The following RNF135 variants were observed in gnomAD, a reference collection of about 807,000 sequenced individuals.
RNF135 encodes ring finger protein 135.
In RNF135, 46 loss-of-function variants were observed where a neutral mutation model predicts 41.9. The ratio of observed to expected loss-of-function variants is 1.10; its 90% CI spans 0.87 to 1.40. RNF135 has a LOEUF of 1.40. Ranked by LOEUF, RNF135 falls within the 40% of genes most tolerant of loss-of-function variation. The probability of loss-of-function intolerance (pLI) is 0.00; values close to 1 mark genes in which losing one functional copy is unlikely to be tolerated. For synonymous variants in RNF135, 238 were observed against 223.8 expected (o/e 1.06, Z -0.57); for missense variants, 539 against 549.8 (o/e 0.98, Z 0.20).
chr17:30,964,337 C>G, the RNF135 span, among the ~76,000 whole-genome samples: 1 of 134,936 alleles, frequency 7.4e-6, no homozygotes, highest in Admixed American at 8.2e-5. Flanking sequence ...TGCAGTGAGC[C>G]GAGATCGTGC....
At chr17:30,983,320 CATATATATATATAT>C (rs1189144519) in intron 1 of RNF135, among the ~76,000 whole-genome samples, 478 of 37,038 alleles carry the variant, frequency 0.013, 24 homozygotes, top group African/African-American at 0.026. Context: ...CATATATGTA[CATATATATATATAT>C]ATATATATAT....
chr17:30,996,761 A>T (rs999580008), intron 3 of RNF135, among the ~76,000 whole-genome samples: 8 of 152,210 alleles, frequency 5.3e-5, no homozygotes, highest in Non-Finnish European at 8.8e-5. Flanking sequence ...ACTTTAGCAC[A>T]TCGAGAGGGA....
intron 1 of RNF135, among the ~76,000 whole-genome samples, chr17:30,981,848 T>C (rs1907173832): frequency 6.6e-6 from 1 of 152,258 alleles, no homozygotes; most frequent in South Asian, 2.1e-4. Flanking sequence ...AGAAGAATTA[T>C]CTGGATTACC....
the RNF135 span, among the ~76,000 whole-genome samples, chr17:30,961,272 T>TAGTC: frequency 7.2e-5 from 11 of 152,234 alleles, no homozygotes; most frequent in East Asian, 1.7e-3. Context: ...GCAGGGTAGG[T>TAGTC]AGTCAAGGAA....
At chr17:30,983,353 A>ATTTTTTT (rs1192298651) in intron 1 of RNF135, among the ~76,000 whole-genome samples, 15 of 35,718 alleles carry the variant, frequency 4.2e-4, no homozygotes, top group South Asian at 1.3e-3. Flanking sequence ...ATATATATAT[A>ATTTTTTT]TTTTTTTTTT....
chr17:30,972,531 T>C (rs566898084), intron 1 of RNF135: 7 of 152,262 alleles, frequency 4.6e-5, no homozygotes, highest in Non-Finnish European at 1.0e-4. Context: ...TTTGTACTCA[T>C]TAAGCAGTAA....
At chr17:30,979,136 C>A (rs1274955506) in intron 1 of RNF135, 2 of 167,764 alleles carry the variant, frequency 1.2e-5, no homozygotes, top group South Asian at 9.7e-5. Context: ...ACCTCCCAGA[C>A]GGGGTCGTGG....
At chr17:30,987,267 C>T (rs1014172557) in intron 2 of RNF135, among the ~76,000 whole-genome samples, 4 of 150,964 alleles carry the variant, frequency 2.6e-5, no homozygotes, top group Middle Eastern at 3.4e-3. Flanking sequence ...CTTGCTCTGT[C>T]GCCCAGGTTG....
At chr17:30,997,585 C>A in intron 4 of RNF135, 1 of 564,940 alleles carries the variant, frequency 1.8e-6, no homozygotes, top group Non-Finnish European at 3.5e-6. Context: ...CTGCCTGTTC[C>A]CAAACCTGCT....
At chr17:30,971,031 C>T, upstream of RNF135, 1 of 1,532,918 alleles carries the variant, frequency 6.5e-7, no homozygotes, top group Non-Finnish European at 8.7e-7. Flanking sequence ...AGGAGACTCG[C>T]CCGGCTCAAC....
intron 1 of RNF135, 163 bp downstream of exon 1, chr17:30,971,608 A>G: frequency 1.5e-6 from 2 of 1,353,338 alleles, no homozygotes; most frequent in African/African-American, 1.5e-5. Flanking sequence ...TGGAAAGTTC[A>G]TAAAAGTATG....
At chr17:30,991,412 C>T (rs1008396371) in intron 3 of RNF135, among the ~76,000 whole-genome samples, 19 of 150,642 alleles carry the variant, frequency 1.3e-4, no homozygotes, top group Non-Finnish European at 2.7e-4. Flanking sequence ...TTTTCTCTTT[C>T]TCTTTCTTTT....
rs777242882 is a variant in RNF135 at position 30,971,411 on chromosome 17, C to T, written c.338C>T (p.Ala113Val). ...CPGSSSLSSA[A>V]ARPRRRPELQ... ...GGCTCCAGTTCCCTCTCCAGCGCGG[C>T]CGCGAGGCCCCGGCGCCGCCCGGAA... The change falls in exon 1 of 5, where the codon GCC (alanine) becomes GTC (valine). Residue 113 changes from alanine to valine, a missense_variant. By Grantham distance (64) the Ala-to-Val change is moderately conservative (BLOSUM62 0). Transcript: ENST00000328381. 5 of 1,517,422 alleles carry T rather than the reference C, an allele frequency of 3.3e-6. No homozygotes were observed. Among genetic ancestry groups the T allele is most frequent in the Non-Finnish European group, 2.6e-6 (3 of 1,139,790 alleles). The allele number at this position is 1,517,422 out of a possible 1,614,324, so 94.0% of individuals were successfully genotyped here. A position where few individuals can be genotyped will look rare whatever the true frequency, so the allele number is the denominator to read the frequency against.
upstream of RNF135, chr17:30,970,763 C>T: frequency 2.1e-6 from 1 of 475,006 alleles, no homozygotes; most frequent in East Asian, 4.0e-5. Context: ...GGTGCTGCAT[C>T]TTAATGGAGG....
chr17:30,971,405 G>C lies in RNF135; in HGVS notation c.332G>C (p.Ser111Thr). ...CPCPGSSSLSSAAARPRRRPE... is the reference protein window; with the variant it reads ...CPCPGSSSLSTAAARPRRRPE... ...TGCCCGGGCTCCAGTTCCCTCTCCAGCGCGGCCGCGAGGCCCCGGCGCCGC... is the reference window on the plus strand; with the variant it reads ...TGCCCGGGCTCCAGTTCCCTCTCCACCGCGGCCGCGAGGCCCCGGCGCCGC... Residue 111 changes from serine (S) to threonine (T), a missense_variant, in exon 1 of 5, where the codon AGC becomes ACC. Ser to Thr is a moderately conservative substitution (Grantham distance 58). This residue lies in a region of RNF135 where 277 missense variants were observed against 212.8 expected (regional missense o/e 1.30). Transcript: ENST00000328381. 6.6e-7 allele frequency: 1 copy of C among 1,518,704 alleles called. No individual in the cohort carries two copies. The allele number at this position is 1,518,704 out of a possible 1,614,324, so 94.1% of individuals were successfully genotyped here.
upstream of RNF135, among the ~76,000 whole-genome samples, chr17:30,966,591 GT>G (rs1253092759): frequency 6.6e-6 from 1 of 150,624 alleles, no homozygotes; most frequent in African/African-American, 2.4e-5. Flanking sequence ...GCCTCCCAGG[GT>G]TCACACCATT....
intron 3 of RNF135, among the ~76,000 whole-genome samples, chr17:30,993,129 C>G (rs965786507): frequency 2.0e-5 from 3 of 151,394 alleles, no homozygotes; most frequent in South Asian, 4.2e-4. Context: ...GGCGCGATCT[C>G]GGCTCACCAC....
chr17:30,983,353 A>ATATTTT (rs1420453160), intron 1 of RNF135, among the ~76,000 whole-genome samples: 3 of 35,734 alleles, frequency 8.4e-5, no homozygotes, highest in Admixed American at 4.8e-4. Flanking sequence ...ATATATATAT[A>ATATTTT]TTTTTTTTTT....
chr17:30,983,317 GTACATATATATATATATA>G (rs1440294513), intron 1 of RNF135, among the ~76,000 whole-genome samples: 2 of 24,844 alleles, frequency 8.1e-5, no homozygotes, highest in Non-Finnish European at 2.1e-4. Flanking sequence ...TTACATATAT[GTACATATATATATATATA>G]TATATATATA....
Sources: allele counts gnomAD v4.1 joint callset (sites outside exome capture counted in the v4.1 genomes callset), GRCh38; gene constraint gnomAD v4.1.1; regional missense constraint gnomAD v4.1.1; transcripts MANE v1.5; gene names NCBI Gene and HGNC (gene_info 2026-07-23, HGNC 2026-07-21).